ACBD5: variants seen among roughly 807,000 people sequenced by gnomAD.
ACBD5 encodes acyl-CoA binding domain containing 5.
Under a neutral mutation model 71.8 loss-of-function variants are expected in ACBD5, and 40 were observed. The observed-to-expected ratio is 0.56, with a 90% CI of 0.43 to 0.72. The LOEUF (loss-of-function observed/expected upper bound fraction) is 0.72. Among genes scored for constraint, ACBD5 ranks in the 30% least tolerant of loss-of-function variants. The pLI, the probability that ACBD5 is intolerant of heterozygous loss-of-function variation, is 0.00. For synonymous variants in ACBD5, 229 were observed against 218.6 expected (o/e 1.05, Z -0.42); for missense variants, 559 against 644.5 (o/e 0.87, Z 1.44).
chr10:27,232,227 T>A (rs1355106990), intron 3 of ACBD5: 2 of 155,222 alleles, frequency 1.3e-5, no homozygotes, highest in Admixed American at 6.5e-5. Context: ...TTTTATTTTT[T>A]CTTTTTCTTT....
intron 4 of ACBD5, among the ~76,000 whole-genome samples, chr10:27,230,916 T>C (rs2800396): frequency 0.78 from 117,610 of 151,714 alleles, 45,843 homozygotes; most frequent in African/African-American, 0.86. Context: ...TGAATGCCCC[T>C]TCCTTACTAG....
chr10:27,228,813 A>ATTTTTTTT (rs2063453996), intron 4 of ACBD5, among the ~76,000 whole-genome samples: 1 of 7,630 alleles, frequency 1.3e-4, no homozygotes, highest in East Asian at 1.5e-3. Context: ...ATATATATAT[A>ATTTTTTTT]TATTTTTTTT....
At chr10:27,223,473 T>C (rs748586081) in intron 4 of ACBD5, 21 bp from the exon 5 acceptor site, 3 of 1,550,888 alleles carry the variant, frequency 1.9e-6, no homozygotes, top group Non-Finnish European at 2.7e-6. Context: ...AAGAAACAAA[T>C]ATTGTGAAAT....
chr10:27,183,353 G>A (rs1286589452), intron 13 of ACBD5, among the ~76,000 whole-genome samples: 1 of 151,954 alleles, frequency 6.6e-6, no homozygotes, highest in Admixed American at 6.6e-5. Flanking sequence ...GTGTGATCTC[G>A]GCTCACTGCA....
intron 5 of ACBD5, among the ~76,000 whole-genome samples, chr10:27,221,457 G>A (rs530017455): frequency 6.6e-6 from 1 of 152,230 alleles, no homozygotes; most frequent in South Asian, 2.1e-4. Context: ...GTTATAGCTA[G>A]GTAGCTGTGA....
chr10:27,221,180 T>G (rs2062287500), intron 5 of ACBD5, among the ~76,000 whole-genome samples: 1 of 152,206 alleles, frequency 6.6e-6, no homozygotes, highest in African/African-American at 2.4e-5. Context: ...TTTTCTAATT[T>G]TGCAAAGGTT....
chr10:27,199,984 C>T (rs924356318), intron 12 of ACBD5, among the ~76,000 whole-genome samples: 6 of 149,816 alleles, frequency 4.0e-5, no homozygotes, highest in Admixed American at 1.3e-4. Context: ...GCAAGACTGT[C>T]GCAAAGAAAA....
chr10:27,197,440 T>C lies in ACBD5; in HGVS notation c.1568A>G (p.Lys523Arg). Residue 523 changes from lysine to arginine, a missense_variant and splice_region_variant, in exon 13 of 13, where the codon AAA becomes AGA. Coordinates refer to ENST00000396271, the MANE Select transcript of ACBD5 (RefSeq NM_145698.5). ...AAAACACCATTTTCCTCAGTTCAGT[T>C]TTCTTTAAAAAGAAAATAAAAACCA... ...VYLYYQRRRR[K>R]LN 6.2e-7 allele frequency: 1 copy of C among 1,607,466 alleles called. No homozygotes were observed. The highest frequency in any genetic ancestry group is 8.5e-7 in the Non-Finnish European group (1 of 1,175,856).
downstream of ACBD5, among the ~76,000 whole-genome samples, chr10:27,194,255 T>TAAA (rs58311546): frequency 1.5e-5 from 2 of 137,096 alleles, no homozygotes; most frequent in Non-Finnish European, 1.5e-5. Flanking sequence ...CCGTCTCAAT[T>TAAA]AAAAAAAAAA....
chr10:27,195,277 T>TA lies in ACBD5; in HGVS notation c.*2152dup, dbSNP rs1344560982. The stretch of plus-strand genomic sequence containing the variant: ...CAATAAACAGAAAAGAAGTTATCAT[T>TA]AAAAAAATACCATAGCTGTCAAGTT... On this transcript the variant is annotated 3_prime_UTR_variant, in exon 13 of 13. Coordinates refer to ENST00000396271, the MANE Select transcript of ACBD5 (RefSeq NM_145698.5). The TA allele has an allele frequency of 2.3e-5, 10 of 430,224 alleles. No individual in the cohort carries two copies. The highest frequency in any genetic ancestry group is 4.5e-5 in the Non-Finnish European group (10 of 220,384). 26.7% of individuals were successfully genotyped at this position (430,224 alleles called of 1,614,324 possible). A position where few individuals can be genotyped will look rare whatever the true frequency, so the allele number is the denominator to read the frequency against.
At chr10:27,198,900 G>T (rs1233216014) in intron 12 of ACBD5, among the ~76,000 whole-genome samples, 1 of 151,996 alleles carries the variant, frequency 6.6e-6, no homozygotes, top group Non-Finnish European at 1.5e-5. Flanking sequence ...CACGAGGTTG[G>T]GAGATCAAGA....
chr10:27,205,242 A>C lies in ACBD5; in HGVS notation c.1411T>G (p.Ser471Ala), dbSNP rs750618594. ...GCAGTCTGCAATGTTGATGTTGATG[A>C]TTTTGCCTGTAAATGCAAATGAAGG... is the stretch of plus-strand genomic sequence containing the variant. ...LETLTALQAK[S>A]STSTLQTAPQ... Residue 471 changes from serine to alanine, a missense_variant, in exon 11 of 13, where the codon TCA becomes GCA. Physicochemically the swap from Ser to Ala is moderately conservative, Grantham distance 99. Transcript: ENST00000396271. The C allele has an allele frequency of 1.7e-5, 27 of 1,613,136 alleles. No individual in the cohort carries two copies. The South Asian group carries it at 2.9e-4, about 17-fold the overall frequency.
intron 10 of ACBD5, among the ~76,000 whole-genome samples, chr10:27,207,948 T>G (rs6482603): frequency 0.7 from 106,785 of 151,992 alleles, 37,596 homozygotes; most frequent in Admixed American, 0.72. Flanking sequence ...GTGGCCAGTC[T>G]GGTCTCAAAC....
chr10:27,201,703 T>C (rs1195782431), intron 12 of ACBD5, among the ~76,000 whole-genome samples: 1 of 152,134 alleles, frequency 6.6e-6, no homozygotes, highest in Non-Finnish European at 1.5e-5. Context: ...CTCAGGAGGC[T>C]GAGGCAGGAA....
chr10:27,196,320 T>C lies in ACBD5; in HGVS notation c.*1110A>G, dbSNP rs766958319. On this transcript the variant is annotated 3_prime_UTR_variant, in exon 13 of 13. Coordinates refer to ENST00000396271, the MANE Select transcript of ACBD5 (RefSeq NM_145698.5). ...GAAAAGTCTCCAAGGATCTAAATTGTAGTCTTCTTTTTGGTCTAGATGAGA... is the reference window on the plus strand; with the variant it reads ...GAAAAGTCTCCAAGGATCTAAATTGCAGTCTTCTTTTTGGTCTAGATGAGA... 4.0e-5 allele frequency: 18 copies of C among 454,024 alleles called. No homozygotes were observed. The highest frequency in any genetic ancestry group is 1.2e-4 in the Admixed American group (5 of 42,556). The allele number at this position is 454,024 out of a possible 1,614,324, so 28.1% of individuals were successfully genotyped here.
At chr10:27,209,039 C>T (rs1169431053) in intron 9 of ACBD5, among the ~76,000 whole-genome samples, 1 of 151,860 alleles carries the variant, frequency 6.6e-6, no homozygotes, top group Non-Finnish European at 1.5e-5. Flanking sequence ...ATTTGGAGTG[C>T]CTGCTCAAAA....
intron 8 of ACBD5, among the ~76,000 whole-genome samples, chr10:27,215,045 T>A (rs535718496): frequency 6.6e-6 from 1 of 152,086 alleles, no homozygotes; most frequent in Non-Finnish European, 1.5e-5. Flanking sequence ...ATGCCTGTAA[T>A]CCCAGCTACT....
rs557091048 is a variant in ACBD5 at position 27,240,498 on chromosome 10, C to A, written c.16-14G>T. ...GCCTGCATGAAACTGGAACATGGAG[C>A]GCAGCCGCGGATCAACATGCCCCAA... is the stretch of plus-strand genomic sequence containing the variant. On this transcript the variant is annotated splice_polypyrimidine_tract_variant and intron_variant, in intron 1 of 12. Coordinates refer to ENST00000396271, the MANE Select transcript of ACBD5 (RefSeq NM_145698.5). The surrounding 1 kb of genome is among the most constrained non-coding windows in gnomAD (Gnocchi z 4.1). 5 of 1,593,760 alleles carry A rather than the reference C, an allele frequency of 3.1e-6. No homozygotes were observed. In the African/African-American group the frequency reaches 6.7e-5, roughly 21 times the overall value.
At chr10:27,210,321 G>A (rs1393143363) in intron 9 of ACBD5, among the ~76,000 whole-genome samples, 1 of 152,218 alleles carries the variant, frequency 6.6e-6, no homozygotes, top group African/African-American at 2.4e-5. Context: ...CCGAATTAGA[G>A]CTATTTGCCA....
Sources: allele counts gnomAD v4.1 joint callset (sites outside exome capture counted in the v4.1 genomes callset), GRCh38; gene constraint gnomAD v4.1.1; non-coding constraint Gnocchi (gnomAD v3.1); transcripts MANE v1.5; gene names NCBI Gene and HGNC (gene_info 2026-07-23, HGNC 2026-07-21).